The following GDPD4 variants were observed in gnomAD, a reference collection of about 807,000 sequenced individuals.
GDPD4 encodes glycerophosphodiester phosphodiesterase domain containing 4, also known as glycerophosphodiester phosphodiesterase 6.
GDPD4 carries 60 observed loss-of-function variants against 67.8 expected under a neutral mutation model. The observed-to-expected ratio is 0.88, with a 90% CI of 0.72 to 1.10. The LOEUF is 1.10. Ranked by LOEUF, GDPD4 falls within the 50% of genes least tolerant of loss-of-function variation. The pLI is 0.00. For synonymous variants in GDPD4, 212 were observed against 210.9 expected, an observed-to-expected ratio of 1.00 and a Z score of -0.04; for missense variants, 623 against 613.9, an observed-to-expected ratio of 1.01 and a Z score of -0.16.
intron 3 of GDPD4, among the ~76,000 whole-genome samples, chr11:77,282,712 A>AC (rs1463252021): frequency 2.0e-5 from 3 of 151,886 alleles, no homozygotes; most frequent in African/African-American, 7.3e-5. Context: ...CAACAACAAA[A>AC]AAAAAAACAC....
At chr11:77,232,667 CT>C (rs1958476017) in intron 14 of GDPD4, among the ~76,000 whole-genome samples, 1 of 152,236 alleles carries the variant, frequency 6.6e-6, no homozygotes, top group Non-Finnish European at 1.5e-5. Flanking sequence ...AGTAACAAAA[CT>C]CTGAAGTCAG....
intron 13 of GDPD4, among the ~76,000 whole-genome samples, chr11:77,242,203 A>T (rs1201620742): frequency 6.6e-6 from 1 of 152,196 alleles, no homozygotes; most frequent in African/African-American, 2.4e-5. Context: ...AAAAGATATG[A>T]TATATGTTAA....
chr11:77,225,771 G>A (rs563594151), intron 16 of GDPD4, among the ~76,000 whole-genome samples: 4 of 152,268 alleles, frequency 2.6e-5, no homozygotes, highest in Admixed American at 6.5e-5. Context: ...AGCAGTACGT[G>A]CCCATCCTGG....
At chr11:77,289,546 A>G (rs1034292618) in intron 1 of GDPD4, among the ~76,000 whole-genome samples, 3 of 151,870 alleles carry the variant, frequency 2.0e-5, no homozygotes, top group African/African-American at 7.3e-5. Context: ...CCTGGCCAAC[A>G]TGATGAAACC....
intron 11 of GDPD4, among the ~76,000 whole-genome samples, chr11:77,254,151 G>A (rs1958958718): frequency 6.6e-6 from 1 of 152,208 alleles, no homozygotes; most frequent in South Asian, 2.1e-4. Context: ...CCTTCTCTGA[G>A]GGGAACACAG....
intron 1 of GDPD4, among the ~76,000 whole-genome samples, chr11:77,292,996 C>A (rs571164393): frequency 6.6e-6 from 1 of 152,062 alleles, no homozygotes; most frequent in African/African-American, 2.4e-5. Flanking sequence ...GTTAAACAAG[C>A]CTTCCCATCA....
In GDPD4 at chr11:77,245,376, C is replaced by CA; in HGVS notation, c.990dup (p.Asp331Ter). The CA allele has an allele frequency of 6.2e-7, 1 of 1,614,116 alleles. No individual in the cohort carries two copies. The highest frequency in any genetic ancestry group is 2.2e-5 in the East Asian group (1 of 44,884). The stretch of plus-strand genomic sequence containing the variant: ...TGTTTTGGTGGAGGGCGATGAAGAT[C>CA]AAATATCACAAATTTTCTTTCCTTC... On this transcript the variant is annotated frameshift_variant, in exon 12 of 17. Coordinates refer to ENST00000315938, the MANE Select transcript of GDPD4 (RefSeq NM_182833.3). LOFTEE classifies it high-confidence loss of function.
chr11:77,232,928 G>A, intron 14 of GDPD4, 97 bp downstream of exon 14: 1 of 1,043,924 alleles, frequency 9.6e-7, no homozygotes, highest in Middle Eastern at 2.3e-4. Context: ...ACTCTTAAGT[G>A]GCTGCCCAGG....
chr11:77,232,009 T>TCC (rs1238008959), intron 14 of GDPD4, among the ~76,000 whole-genome samples: 1 of 152,126 alleles, frequency 6.6e-6, no homozygotes, highest in East Asian at 1.9e-4. Flanking sequence ...GGATCCCTTT[T>TCC]CCCCTGGTCC....
chr11:77,227,888 A>G lies in GDPD4; in HGVS notation c.1501T>C (p.Phe501Leu). Residue 501 changes from phenylalanine to leucine, a missense_variant, in exon 16 of 17, where the codon TTT becomes CTT. Physicochemically the swap from Phe to Leu is conservative, Grantham distance 22 (BLOSUM62 0). Coordinates refer to ENST00000315938, the MANE Select transcript of GDPD4 (RefSeq NM_182833.3). Reference sequence around the variant, plus strand: ...CCTGTGCGAGTGCTGGAGGTTTCAAACAATTTTTCTTTTTCAGTCTCTCTC... The same window carrying G: ...CCTGTGCGAGTGCTGGAGGTTTCAAGCAATTTTTCTTTTTCAGTCTCTCTC... ...WRRETEKEKL[F>L]ETSSTRTDTQ... 1 of 1,613,730 alleles carries G rather than the reference A, an allele frequency of 6.2e-7. No homozygotes were observed. Among genetic ancestry groups the G allele is most frequent in the Non-Finnish European group, 8.5e-7 (1 of 1,179,630 alleles).
intron 16 of GDPD4, among the ~76,000 whole-genome samples, chr11:77,223,812 C>G (rs567657011): frequency 1.5e-4 from 23 of 152,306 alleles, no homozygotes; most frequent in Admixed American, 3.3e-4. Context: ...GTGGAGTCTA[C>G]AGAGGCAGGG....
At chr11:77,237,234 G>C (rs1255140238) in intron 13 of GDPD4, among the ~76,000 whole-genome samples, 1 of 152,110 alleles carries the variant, frequency 6.6e-6, no homozygotes, top group Admixed American at 6.5e-5. Context: ...AATAAATAAA[G>C]ATACCTGCAC....
chr11:77,245,593 T>C, intron 11 of GDPD4, 91 bp from the exon 12 acceptor site: 1 of 805,740 alleles, frequency 1.2e-6, no homozygotes, highest in Non-Finnish European at 2.0e-6. Flanking sequence ...AGTTGCTCCA[T>C]TATCATTCAA....
At chr11:77,237,986 G>A (rs932706152) in intron 13 of GDPD4, among the ~76,000 whole-genome samples, 4 of 152,070 alleles carry the variant, frequency 2.6e-5, no homozygotes, top group Non-Finnish European at 5.9e-5. Flanking sequence ...TCTAAAACAG[G>A]TCACCTAATT....
At chr11:77,299,473 G>C (rs2135902059) in intron 1 of GDPD4, among the ~76,000 whole-genome samples, 1 of 152,232 alleles carries the variant, frequency 6.6e-6, no homozygotes, top group Non-Finnish European at 1.5e-5. Flanking sequence ...TATTTATTTA[G>C]GAAGTTTACT....
chr11:77,254,022 T>C (rs748918367), intron 11 of GDPD4, among the ~76,000 whole-genome samples: 46 of 151,846 alleles, frequency 3.0e-4, no homozygotes, highest in Non-Finnish European at 1.0e-4. Flanking sequence ...GGTTCCCCAG[T>C]AGTTTAGCAT....
In GDPD4 at chr11:77,258,431, A is replaced by C. The variant is rs1959045608; in HGVS notation, c.819T>G (p.Asp273Glu). The C allele has an allele frequency of 6.2e-7, 1 of 1,614,166 alleles. No individual in the cohort carries two copies. The highest frequency in any genetic ancestry group is 8.5e-7 in the Non-Finnish European group (1 of 1,180,008). The change falls in exon 11 of 17, where the codon GAT (aspartate) becomes GAG (glutamate). Residue 273 changes from aspartate to glutamate, a missense_variant. Coordinates refer to ENST00000315938, the MANE Select transcript of GDPD4 (RefSeq NM_182833.3). The stretch of plus-strand genomic sequence containing the variant: ...TGCCTGCATTCAGAGTCGATAGGAA[A>C]TCCCAGTTGAAGAAGGCAGGGTTCT... ...ACENPAFFNW[D>E]FLSTLNAGKW... is the part of the protein sequence containing the mutation.
At chr11:77,295,960 G>C (rs1316216239) in intron 1 of GDPD4, among the ~76,000 whole-genome samples, 1 of 151,896 alleles carries the variant, frequency 6.6e-6, no homozygotes, top group Non-Finnish European at 1.5e-5. Context: ...ATCTTAATTA[G>C]AAATTTCTTG....
At chr11:77,251,966 CT>C (rs1235241162) in intron 11 of GDPD4, among the ~76,000 whole-genome samples, 2 of 151,374 alleles carry the variant, frequency 1.3e-5, no homozygotes, top group Non-Finnish European at 2.9e-5. Flanking sequence ...AAACAAGTCT[CT>C]TGTTGAAGCT....
Sources: gnomAD v4.1 joint callset for allele counts (sites outside exome capture counted in the v4.1 genomes callset) on GRCh38, gnomAD v4.1.1 for gene constraint, MANE v1.5 for transcripts, NCBI Gene and HGNC (gene_info 2026-07-23, HGNC 2026-07-21) for gene names.